KCTD8: variants seen among roughly 807,000 people sequenced by gnomAD.
KCTD8 encodes the protein potassium channel tetramerization domain containing 8.
Under a neutral mutation model 31.5 loss-of-function variants are expected in KCTD8, and 27 were observed. That is an observed-to-expected ratio of 0.86 (90% CI 0.63 to 1.18). The LOEUF (loss-of-function observed/expected upper bound fraction) is 1.18, where lower values mean the gene tolerates loss of function less well. Among genes scored for constraint, KCTD8 ranks in the 50% most tolerant of loss-of-function variants. The probability of loss-of-function intolerance (pLI) is 0.00; values close to 1 mark genes in which losing one functional copy is unlikely to be tolerated. For missense variants in KCTD8, 658 were observed against 647.7 expected, an observed-to-expected ratio of 1.02 and a Z score of -0.17; for synonymous variants, 290 against 280.0, an observed-to-expected ratio of 1.04 and a Z score of -0.36.
intron 1 of KCTD8, among the ~76,000 whole-genome samples, chr4:44,317,934 A>G (rs1280404687): frequency 6.6e-6 from 1 of 152,272 alleles, no homozygotes; most frequent in Non-Finnish European, 1.5e-5. Flanking sequence ...CTTGGTTTAC[A>G]ATGGAACAGG....
chr4:44,194,931 C>T (rs1357359442), intron 1 of KCTD8, among the ~76,000 whole-genome samples: 2 of 150,444 alleles, frequency 1.3e-5, no homozygotes, highest in African/African-American at 4.9e-5. Context: ...TCTTGGCTCA[C>T]TGCAACCTCT....
chr4:44,377,397 C>T (rs376232067), intron 1 of KCTD8, among the ~76,000 whole-genome samples: 3 of 152,116 alleles, frequency 2.0e-5, no homozygotes, highest in Non-Finnish European at 4.4e-5. Context: ...AAAGAGTCTA[C>T]TCATGGAAGG....
At chr4:44,175,643 T>A (rs906494852) in intron 1 of KCTD8, among the ~76,000 whole-genome samples, 1 of 152,212 alleles carries the variant, frequency 6.6e-6, no homozygotes, top group South Asian at 2.1e-4. Flanking sequence ...TCATTTTTGT[T>A]CTACCCACTG....
At position 44,212,139 on chromosome 4, in the gene KCTD8, T is replaced by C. The variant is rs78788802; in HGVS notation, c.962-36889A>G. Among the ~76,000 whole-genome samples, 1,044 of 152,284 alleles carry C rather than the reference T, an allele frequency of 6.9e-3. 21 individuals carry two copies. The highest frequency in any genetic ancestry group is 0.046 in the East Asian group (238 of 5,174). On this transcript the variant is annotated intron_variant, in intron 1 of 1. Transcript: ENST00000360029. ...ATATTTGTGGTAATAGAACAGTTCT[T>C]GTATCCTGAAAGTGGCGAGGGTTAC...
At chr4:44,394,467 C>A (rs56369979) in intron 1 of KCTD8, among the ~76,000 whole-genome samples, 54 of 152,070 alleles carry the variant, frequency 3.6e-4, no homozygotes, top group African/African-American at 1.3e-3. Context: ...GTGCATATTT[C>A]AAAAGAAATT....
chr4:44,177,748 C>T (rs1713260600), intron 1 of KCTD8, among the ~76,000 whole-genome samples: 1 of 152,178 alleles, frequency 6.6e-6, no homozygotes, highest in Non-Finnish European at 1.5e-5. Flanking sequence ...TCTTTTTCTT[C>T]CCAGTCTCAG....
intron 1 of KCTD8, among the ~76,000 whole-genome samples, chr4:44,258,916 G>A (rs1223850685): frequency 2.0e-5 from 3 of 151,710 alleles, no homozygotes; most frequent in African/African-American, 7.3e-5. Context: ...CTGTAAAATG[G>A]GAATAATAAT....
At chr4:44,232,552 C>T (rs943082144) in intron 1 of KCTD8, among the ~76,000 whole-genome samples, 1 of 152,092 alleles carries the variant, frequency 6.6e-6, no homozygotes, top group African/African-American at 2.4e-5. Context: ...ATGATGTGGG[C>T]CATTACTTTA....
intron 1 of KCTD8, among the ~76,000 whole-genome samples, chr4:44,247,671 A>T (rs1715706335): frequency 6.6e-6 from 1 of 151,700 alleles, no homozygotes; most frequent in Non-Finnish European, 1.5e-5. Context: ...GTTTCTGTGG[A>T]TTTGACTATT....
chr4:44,434,012 T>C (rs1721577909), intron 1 of KCTD8, among the ~76,000 whole-genome samples: 2 of 151,886 alleles, frequency 1.3e-5, no homozygotes, highest in Admixed American at 6.6e-5. Context: ...TTTCCTGATA[T>C]TGAATGTGCT....
chr4:44,393,471 T>C (rs1423293191), intron 1 of KCTD8, among the ~76,000 whole-genome samples: 1 of 151,428 alleles, frequency 6.6e-6, no homozygotes, highest in Non-Finnish European at 1.5e-5. Context: ...GCCAATAACG[T>C]TGGTAAATGT....
intron 1 of KCTD8, among the ~76,000 whole-genome samples, chr4:44,267,559 G>A (rs944825991): frequency 6.6e-6 from 1 of 152,004 alleles, no homozygotes; most frequent in African/African-American, 2.4e-5. Flanking sequence ...CAGAACTGAA[G>A]GAAATAGAGA....
At chr4:44,305,192 A>C (rs1717765155) in intron 1 of KCTD8, among the ~76,000 whole-genome samples, 1 of 151,898 alleles carries the variant, frequency 6.6e-6, no homozygotes, top group Non-Finnish European at 1.5e-5. Flanking sequence ...AGAATTAAAA[A>C]ATCAAAGTTT....
At chr4:44,435,048 T>C (rs1376108599) in intron 1 of KCTD8, among the ~76,000 whole-genome samples, 2 of 152,042 alleles carry the variant, frequency 1.3e-5, no homozygotes, top group Admixed American at 6.6e-5. Flanking sequence ...ATAGCTTGCA[T>C]AGAACTTTCA....
At chr4:44,320,026 G>T (rs952088951) in intron 1 of KCTD8, among the ~76,000 whole-genome samples, 1 of 151,804 alleles carries the variant, frequency 6.6e-6, no homozygotes, top group African/African-American at 2.4e-5. Flanking sequence ...ACAAAAATTG[G>T]CTGGGTGTGC....
intron 1 of KCTD8, among the ~76,000 whole-genome samples, chr4:44,378,148 T>C (rs1719963627): frequency 6.7e-6 from 1 of 149,892 alleles, no homozygotes; most frequent in Non-Finnish European, 1.5e-5. Flanking sequence ...TGTTAATATT[T>C]TATTATAAGC....
At chr4:44,344,598 C>T (rs1283920201) in intron 1 of KCTD8, among the ~76,000 whole-genome samples, 1 of 152,140 alleles carries the variant, frequency 6.6e-6, no homozygotes. Context: ...GACATCTTTG[C>T]ACATTAAGCC....
chr4:44,398,702 C>G (rs148876725), intron 1 of KCTD8, among the ~76,000 whole-genome samples: 1 of 152,132 alleles, frequency 6.6e-6, no homozygotes, highest in Non-Finnish European at 1.5e-5. Context: ...AGCAAAAGAG[C>G]AAGGCTGCTG....
At chr4:44,210,611 T>C (rs536575985) in intron 1 of KCTD8, among the ~76,000 whole-genome samples, 3 of 152,170 alleles carry the variant, frequency 2.0e-5, no homozygotes, top group Admixed American at 6.5e-5. Context: ...TTCAGTTAAA[T>C]CTGATAAATG....
Sources: gnomAD v4.1 joint callset for allele counts (sites outside exome capture counted in the v4.1 genomes callset) on GRCh38, gnomAD v4.1.1 for gene constraint, MANE v1.5 for transcripts, NCBI Gene and HGNC (gene_info 2026-07-23, HGNC 2026-07-21) for gene names.